Variants in MCEE observed in about 807,000 individuals in gnomAD.
MCEE encodes methylmalonyl-CoA epimerase, mitochondrial.
In MCEE, 6 loss-of-function variants were observed where a neutral mutation model predicts 12.9. The observed-to-expected ratio is 0.47, with a 90% CI of 0.26 to 0.92. The LOEUF is 0.92. MCEE is among the 40% of genes least tolerant of loss of function. MCEE has a pLI of 0.16. For missense variants in MCEE, 214 were observed against 212.1 expected (o/e 1.01, Z -0.05); for synonymous variants, 78 against 77.9 (o/e 1.00, Z -0.01).
intron 2 of MCEE, among the ~76,000 whole-genome samples, chr2:71,120,246 GAC>G (rs901827090): frequency 2.0e-5 from 3 of 150,270 alleles, no homozygotes; most frequent in Non-Finnish European, 4.4e-5. Flanking sequence ...TCTTCACTGT[GAC>G]ACACTGTGCT....
At chr2:71,111,542 C>A (rs997537777) in intron 2 of MCEE, among the ~76,000 whole-genome samples, 4 of 152,166 alleles carry the variant, frequency 2.6e-5, no homozygotes, top group Non-Finnish European at 5.9e-5. Flanking sequence ...ACTATCCCCA[C>A]CTCTGTGTGT....
chr2:71,116,431 T>C (rs1486921134), intron 2 of MCEE, among the ~76,000 whole-genome samples: 2 of 150,184 alleles, frequency 1.3e-5, no homozygotes, highest in Admixed American at 6.6e-5. Flanking sequence ...TTCTTTCTTT[T>C]TTTTGGTATT....
chr2:71,119,549 T>C (rs1673059904), intron 2 of MCEE, among the ~76,000 whole-genome samples: 1 of 150,426 alleles, frequency 6.6e-6, no homozygotes, highest in Non-Finnish European at 1.5e-5. Flanking sequence ...GTTTATCCTT[T>C]TGTACTTTGT....
chr2:71,110,032 G>GT lies in MCEE; in HGVS notation c.468dup (p.Pro157ThrfsTer8). 6.2e-7 allele frequency: 1 copy of GT among 1,613,616 alleles called. No individual in the cohort carries two copies. Among genetic ancestry groups the GT allele is most frequent in the African/African-American group, 1.3e-5 (1 of 75,006 alleles). ...TCTTTAGGATGGAGAAAAATCACTG[G>GT]TTTTCCATGTGCTCCTATTTTGACC... On this transcript the variant is annotated frameshift_variant, in exon 3 of 3. Coordinates refer to ENST00000244217, the MANE Select transcript of MCEE (RefSeq NM_032601.4). LOFTEE classifies it high-confidence loss of function.
chr2:71,122,566 T>C (rs1252290250), intron 2 of MCEE, among the ~76,000 whole-genome samples: 1 of 152,172 alleles, frequency 6.6e-6, no homozygotes, highest in East Asian at 1.9e-4. Flanking sequence ...ACATCTTACA[T>C]GGATGGCAGC....
intron 2 of MCEE, among the ~76,000 whole-genome samples, chr2:71,122,802 T>C (rs2103635675): frequency 6.6e-6 from 1 of 152,312 alleles, no homozygotes; most frequent in African/African-American, 2.4e-5. Context: ...CACTAAGTGT[T>C]AGCTGTTATG....
In MCEE at chr2:71,124,563, T is replaced by C. The variant is rs780147373; in HGVS notation, c.41-20A>G. 11 of 1,577,806 alleles carry C rather than the reference T, an allele frequency of 7.0e-6. No homozygotes were observed. Among genetic ancestry groups the C allele is most frequent in the Non-Finnish European group, 9.6e-6 (11 of 1,147,716 alleles). On this transcript the variant is annotated intron_variant, in intron 1 of 2. Transcript: ENST00000244217. ...AAAGCCCTGAAAAATTGAACAGCCA[T>C]TGATATCCTTCTTTTGAGAATTAAC...
At chr2:71,126,050 T>C (rs890096070) in intron 1 of MCEE, among the ~76,000 whole-genome samples, 2 of 152,128 alleles carry the variant, frequency 1.3e-5, no homozygotes, top group Admixed American at 6.5e-5. Context: ...GGTTTCACCA[T>C]GTTGCCCAGG....
At chr2:71,121,093 T>C (rs138452198) in intron 2 of MCEE, among the ~76,000 whole-genome samples, 39 of 152,168 alleles carry the variant, frequency 2.6e-4, no homozygotes, top group African/African-American at 9.4e-4. Context: ...CCAGTACCTT[T>C]CTCCTTTTCC....
chr2:71,111,391 T>C (rs1672882339), intron 2 of MCEE, among the ~76,000 whole-genome samples: 1 of 152,130 alleles, frequency 6.6e-6, no homozygotes, highest in Admixed American at 6.5e-5. Context: ...TTCATATCAA[T>C]ATTATTAAGC....
intron 2 of MCEE, among the ~76,000 whole-genome samples, chr2:71,111,646 A>G (rs1672887345): frequency 6.6e-6 from 1 of 152,144 alleles, no homozygotes; most frequent in South Asian, 2.1e-4. Flanking sequence ...GAAAGGTACT[A>G]CAGATCTTTA....
intron 2 of MCEE, among the ~76,000 whole-genome samples, chr2:71,114,115 A>G (rs374650737): frequency 2.6e-5 from 4 of 152,268 alleles, no homozygotes; most frequent in African/African-American, 9.6e-5. Flanking sequence ...AAAAACAAGG[A>G]AAGTTTGAGA....
At chr2:71,123,057 T>C (rs1673129145) in intron 2 of MCEE, among the ~76,000 whole-genome samples, 1 of 152,264 alleles carries the variant, frequency 6.6e-6, no homozygotes. Flanking sequence ...ACTATGGACA[T>C]GACTCATGTC....
intron 2 of MCEE, among the ~76,000 whole-genome samples, chr2:71,115,460 C>T (rs142223375): frequency 0.013 from 1,770 of 141,300 alleles, 218 homozygotes; most frequent in African/African-American, 0.053. Flanking sequence ...TCACTAACTT[C>T]AATTTTAAAG....
intron 2 of MCEE, among the ~76,000 whole-genome samples, chr2:71,120,308 C>T (rs1178693008): frequency 1.3e-5 from 2 of 149,998 alleles, no homozygotes; most frequent in Non-Finnish European, 2.9e-5. Context: ...TCTCCTCAAG[C>T]AGAGGCACGC....
At chr2:71,128,388 C>A (rs1427585929) in intron 1 of MCEE, among the ~76,000 whole-genome samples, 1 of 152,154 alleles carries the variant, frequency 6.6e-6, no homozygotes, top group Non-Finnish European at 1.5e-5. Flanking sequence ...AGCGGGAATT[C>A]AGAAGTATTT....
Position 71,119,275 on chromosome 2 carries a change from G to A in MCEE, c.378+4931C>T, listed in dbSNP as rs1673054002. Among the ~76,000 whole-genome samples, 4 of 150,134 alleles carry A rather than the reference G, an allele frequency of 2.7e-5. 1 individual carries two copies. The highest frequency in any genetic ancestry group is 7.6e-5 in the African/African-American group (3 of 39,618). ...CGCCTACTACACACCTAGGCTACAG[G>A]GTACAGTCTATTCCTCCTTGGCTAC... is the stretch of plus-strand genomic sequence containing the variant. On this transcript the variant is annotated intron_variant, in intron 2 of 2. Transcript: ENST00000244217.
chr2:71,115,899 C>T (rs1672982335), intron 2 of MCEE, among the ~76,000 whole-genome samples: 1 of 149,260 alleles, frequency 6.7e-6, no homozygotes, highest in Non-Finnish European at 1.5e-5. Context: ...CACTATGGCA[C>T]ATGTGTACCT....
At chr2:71,125,157 GTGTGTGTGTGTA>G (rs1389800652) in intron 1 of MCEE, among the ~76,000 whole-genome samples, 4 of 130,114 alleles carry the variant, frequency 3.1e-5, no homozygotes, top group African/African-American at 1.1e-4. Flanking sequence ...CAGCTAATTT[GTGTGTGTGTGTA>G]TGTGTGTGTA....
Sources: gnomAD v4.1 joint callset for allele counts (sites outside exome capture counted in the v4.1 genomes callset) on GRCh38, gnomAD v4.1.1 for gene constraint, MANE v1.5 for transcripts, NCBI Gene and HGNC (gene_info 2026-07-23, HGNC 2026-07-21) for gene names.